The following PLCXD3 variants were observed in gnomAD, a reference collection of about 807,000 sequenced individuals.
The protein encoded by PLCXD3 is PI-PLC X domain-containing protein 3.
PLCXD3 carries 19 observed loss-of-function variants against 25.5 expected under a neutral mutation model. The observed-to-expected ratio is 0.75, with a 90% CI of 0.52 to 1.09. PLCXD3 has a LOEUF of 1.09. PLCXD3 is among the 50% of genes least tolerant of loss of function. The probability of loss-of-function intolerance (pLI) is 0.00; values close to 1 mark genes in which losing one functional copy is unlikely to be tolerated. For synonymous variants in PLCXD3, 174 were observed against 137.6 expected, an observed-to-expected ratio of 1.26 and a Z score of -1.85; for missense variants, 411 against 388.1, an observed-to-expected ratio of 1.06 and a Z score of -0.50.
intron 1 of PLCXD3, among the ~76,000 whole-genome samples, chr5:41,384,566 A>T (rs1745577995): frequency 6.6e-6 from 1 of 152,086 alleles, no homozygotes; most frequent in South Asian, 2.1e-4. Context: ...TTATACTTGG[A>T]GGCAGGCAAA....
intron 1 of PLCXD3, among the ~76,000 whole-genome samples, chr5:41,391,588 G>T (rs1745824223): frequency 6.6e-6 from 1 of 152,186 alleles, no homozygotes; most frequent in Admixed American, 6.5e-5. Flanking sequence ...GGCTTTGGGT[G>T]AGCCTCTAAG....
In PLCXD3 at chr5:41,498,089, A is replaced by G. The variant is rs144061910; in HGVS notation, c.103+12335T>C. Among the ~76,000 whole-genome samples, 9 of 151,906 alleles carry G rather than the reference A, an allele frequency of 5.9e-5. 1 individual carries two copies. The highest frequency in any genetic ancestry group is 1.9e-4 in the African/African-American group (8 of 41,554). On this transcript the variant is annotated intron_variant, in intron 1 of 2. Coordinates refer to ENST00000377801, the MANE Select transcript of PLCXD3 (RefSeq NM_001005473.3). The stretch of plus-strand genomic sequence containing the variant: ...TTACAGTAATAAATGCCTATATTAA[A>G]AAAGATAAAAACCTTAACCTAATTC...
intron 1 of PLCXD3, among the ~76,000 whole-genome samples, chr5:41,385,306 C>G (rs1423730572): frequency 6.6e-6 from 1 of 152,018 alleles, no homozygotes; most frequent in Non-Finnish European, 1.5e-5. Flanking sequence ...CTTCTCTCAT[C>G]CACAGTCTCA....
At chr5:41,474,654 C>A (rs1400295290) in intron 1 of PLCXD3, among the ~76,000 whole-genome samples, 3 of 152,118 alleles carry the variant, frequency 2.0e-5, no homozygotes, top group African/African-American at 7.2e-5. Context: ...AAGAAGGGTG[C>A]AATTTACAAG....
At chr5:41,386,945 A>G (rs1169266851) in intron 1 of PLCXD3, among the ~76,000 whole-genome samples, 2 of 115,996 alleles carry the variant, frequency 1.7e-5, no homozygotes, top group Admixed American at 9.3e-5. Flanking sequence ...AGACCATTCC[A>G]TACTTTTCCA....
At chr5:41,421,516 A>G (rs894337781) in intron 1 of PLCXD3, among the ~76,000 whole-genome samples, 7 of 151,978 alleles carry the variant, frequency 4.6e-5, no homozygotes, top group Admixed American at 1.3e-4. Flanking sequence ...CCTGGCTAAC[A>G]CGGTGAAACC....
chr5:41,421,332 G>GT (rs1261248340), intron 1 of PLCXD3, among the ~76,000 whole-genome samples: 1 of 152,116 alleles, frequency 6.6e-6, no homozygotes, highest in Non-Finnish European at 1.5e-5. Flanking sequence ...TTGAGGGTAG[G>GT]TAGGGTCCAT....
intron 1 of PLCXD3, among the ~76,000 whole-genome samples, chr5:41,402,901 A>G (rs537476069): frequency 1.2e-4 from 18 of 152,238 alleles, no homozygotes; most frequent in Admixed American, 2.0e-4. Context: ...TAGATATAAA[A>G]TGAGTTTCTT....
chr5:41,423,896 T>A (rs1746887229), intron 1 of PLCXD3, among the ~76,000 whole-genome samples: 1 of 152,206 alleles, frequency 6.6e-6, no homozygotes, highest in Non-Finnish European at 1.5e-5. Context: ...TGTGAAATAA[T>A]CACAAACTAA....
intron 1 of PLCXD3, among the ~76,000 whole-genome samples, chr5:41,495,082 T>C (rs1748805160): frequency 6.6e-6 from 1 of 152,264 alleles, no homozygotes; most frequent in Admixed American, 6.5e-5. Flanking sequence ...GCAAGAAATG[T>C]GCCACATCAA....
intron 2 of PLCXD3, among the ~76,000 whole-genome samples, chr5:41,329,821 TATTA>T (rs201933237): frequency 0.015 from 2,164 of 145,072 alleles, 63 homozygotes; most frequent in African/African-American, 0.055. Context: ...ATATATTAAT[TATTA>T]ATTATAATTA....
intron 2 of PLCXD3, among the ~76,000 whole-genome samples, chr5:41,316,152 C>T (rs562306252): frequency 7.2e-4 from 109 of 152,190 alleles, no homozygotes; most frequent in African/African-American, 2.6e-3. Context: ...TTTGTCTTGC[C>T]TCTTGGATAC....
chr5:41,351,195 C>A (rs912777349), intron 2 of PLCXD3, among the ~76,000 whole-genome samples: 2 of 152,106 alleles, frequency 1.3e-5, no homozygotes, highest in African/African-American at 4.8e-5. Context: ...AACAAACAAT[C>A]AGGGTAGAAG....
At chr5:41,357,832 A>G (rs146476407) in intron 2 of PLCXD3, among the ~76,000 whole-genome samples, 60 of 152,346 alleles carry the variant, frequency 3.9e-4, no homozygotes, top group Admixed American at 3.3e-3. Context: ...ATTTGTTGCA[A>G]TGGCCATATA....
At chr5:41,451,407 C>T (rs187832522) in intron 1 of PLCXD3, among the ~76,000 whole-genome samples, 32 of 152,050 alleles carry the variant, frequency 2.1e-4, no homozygotes, top group South Asian at 4.1e-4. Flanking sequence ...CAATTCAACT[C>T]GATAGACATT....
chr5:41,367,710 T>G (rs556822906), intron 2 of PLCXD3, among the ~76,000 whole-genome samples: 1 of 152,334 alleles, frequency 6.6e-6, no homozygotes, highest in Admixed American at 6.5e-5. Context: ...CATGAAATCT[T>G]TGCTGTGCCT....
chr5:41,461,137 TA>T (rs1465095835), intron 1 of PLCXD3, among the ~76,000 whole-genome samples: 1 of 151,948 alleles, frequency 6.6e-6, no homozygotes, highest in Non-Finnish European at 1.5e-5. Flanking sequence ...GTAAATAAAC[TA>T]AAAAATTATT....
chr5:41,446,246 G>T (rs1231583780), intron 1 of PLCXD3, among the ~76,000 whole-genome samples: 1 of 150,840 alleles, frequency 6.6e-6, no homozygotes, highest in Non-Finnish European at 1.5e-5. Context: ...TGGGGCAGGG[G>T]CAGATAAGGA....
chr5:41,502,898 A>C (rs959523410), intron 1 of PLCXD3, among the ~76,000 whole-genome samples: 2 of 152,190 alleles, frequency 1.3e-5, no homozygotes, highest in Non-Finnish European at 2.9e-5. Context: ...TGAAAGGGTG[A>C]TGAAGACTAA....
Sources: allele counts gnomAD v4.1 joint callset (sites outside exome capture counted in the v4.1 genomes callset), GRCh38; gene constraint gnomAD v4.1.1; transcripts MANE v1.5; gene names NCBI Gene and HGNC (gene_info 2026-07-23, HGNC 2026-07-21).